The following ZDHHC11B variants were observed in gnomAD, a reference collection of about 807,000 sequenced individuals.
ZDHHC11B encodes the protein zDHHC palmitoyltransferase 11B (putative).
A neutral mutation model predicts 42.3 loss-of-function variants in ZDHHC11B; 17 were observed. The observed-to-expected ratio is 0.40, with a 90% confidence interval of 0.27 to 0.60. The LOEUF is 0.60. Among genes scored for constraint, ZDHHC11B ranks in the 20% least tolerant of loss-of-function variants. ZDHHC11B has a pLI of 0.41. For missense variants in ZDHHC11B, 262 were observed against 463.2 expected, an observed-to-expected ratio of 0.57 and a Z score of 3.99; for synonymous variants, 123 against 193.5, an observed-to-expected ratio of 0.64 and a Z score of 3.02.
At chr5:724,298 C>G (rs1224556547) in intron 12 of ZDHHC11B, among the ~76,000 whole-genome samples, 1 of 148,784 alleles carries the variant, frequency 6.7e-6, no homozygotes, top group African/African-American at 2.5e-5. Context: ...CTTCACCTCC[C>G]AGGTTCAAGC....
At chr5:783,897 C>A (rs1005505772) in intron 1 of ZDHHC11B, among the ~76,000 whole-genome samples, 1 of 148,902 alleles carries the variant, frequency 6.7e-6, no homozygotes, top group Non-Finnish European at 1.5e-5. Context: ...AAACGCTTAT[C>A]AAAACAGCAG....
At chr5:778,716 A>T (rs1239415729) in intron 1 of ZDHHC11B, among the ~76,000 whole-genome samples, 15 of 151,738 alleles carry the variant, frequency 9.9e-5, no homozygotes, top group Non-Finnish European at 1.9e-4. Context: ...AAATGAGATC[A>T]TCTTGGATTA....
rs537168325 is a variant in ZDHHC11B, at chr5:741,935, T to G, written c.901-307A>C. Among the ~76,000 whole-genome samples, 27 of 115,504 alleles carry G rather than the reference T, an allele frequency of 2.3e-4. No individual in the cohort carries two copies. In the East Asian group the frequency reaches 8.3e-3, roughly 36 times the overall value. 75.8% of individuals were successfully genotyped at this position (115,504 alleles called of 152,430 possible). A position where few individuals can be genotyped will look rare whatever the true frequency, so the allele number is the denominator to read the frequency against. ...ACTCCCACGCAGGAGACTTGCAATT[T>G]CTCTACAACTTCACCAGCCCTCGGT... On this transcript the variant is annotated intron_variant, in intron 9 of 13. Coordinates refer to ENST00000508859, the MANE Select transcript of ZDHHC11B (RefSeq NM_001351303.2).
intron 12 of ZDHHC11B, among the ~76,000 whole-genome samples, chr5:728,540 G>A (rs1376242232): frequency 2.0e-5 from 3 of 151,882 alleles, no homozygotes; most frequent in African/African-American, 7.3e-5. Context: ...TTCCTGACAA[G>A]AATAAAACAC....
rs147499771 is a variant in ZDHHC11B, at chr5:761,443, G to A, written c.222+5255C>T. On this transcript the variant is annotated intron_variant, in intron 4 of 13. Transcript: ENST00000508859. The stretch of plus-strand genomic sequence containing the variant: ...ATGGGGACTCAGGGATGTAGGTGGA[G>A]AACTCGGAGGCTGGGCCACAGCAGA... 7.0e-3 allele frequency among the ~76,000 whole-genome samples: 1,058 copies of A among 151,862 alleles called. 30 individuals are homozygous for A. Among genetic ancestry groups the A allele is most frequent in the South Asian group, 0.029 (138 of 4,780 alleles).
chr5:742,081 A>G (rs383816), intron 9 of ZDHHC11B, among the ~76,000 whole-genome samples: 70,643 of 99,682 alleles, frequency 0.71, 25,394 homozygotes, highest in Middle Eastern at 0.86. Context: ...GTGCTTATGT[A>G]GCATCCATGT....
intron 6 of ZDHHC11B, among the ~76,000 whole-genome samples, chr5:751,555 A>G (rs1745749264): frequency 7.5e-5 from 1 of 13,294 alleles, no homozygotes; most frequent in African/African-American, 3.1e-4. Flanking sequence ...GGGGGCATGC[A>G]GGGCAGGTGG....
At chr5:746,198 C>G (rs1216247114) in intron 8 of ZDHHC11B, among the ~76,000 whole-genome samples, 1 of 147,164 alleles carries the variant, frequency 6.8e-6, no homozygotes, top group East Asian at 2.2e-4. Flanking sequence ...AACACCAACA[C>G]CGTGAGAGCC....
In ZDHHC11B at chr5:727,368, C is replaced by T. The variant is rs993559210; in HGVS notation, c.1058+3066G>A. The stretch of plus-strand genomic sequence containing the variant: ...AGTTGGGATGCCAGGGAAACGCTAT[C>T]GGCCACTCTCAAAATGAGGTGTATA... On this transcript the variant is annotated intron_variant, in intron 12 of 13. Transcript: ENST00000508859. 2.7e-5 allele frequency among the ~76,000 whole-genome samples: 4 copies of T among 146,934 alleles called. 1 individual carries two copies. Among genetic ancestry groups the T allele is most frequent in the African/African-American group, 7.5e-5 (3 of 40,146 alleles).
At chr5:738,990 A>T (rs2127030063) in intron 10 of ZDHHC11B, among the ~76,000 whole-genome samples, 1 of 151,084 alleles carries the variant, frequency 6.6e-6, no homozygotes, top group South Asian at 2.1e-4. Context: ...GAAAAGAAGT[A>T]ATAAGCAGAC....
rs1352640075 is a variant in ZDHHC11B, at chr5:718,888, T to C, written c.1059-2023A>G. Among the ~76,000 whole-genome samples the C allele has an allele frequency of 3.3e-5, 5 of 151,578 alleles. No homozygotes were observed. The East Asian group carries it at 9.7e-4, about 29-fold the overall frequency. On this transcript the variant is annotated intron_variant, in intron 12 of 13. Coordinates refer to ENST00000508859, the MANE Select transcript of ZDHHC11B (RefSeq NM_001351303.2). The stretch of plus-strand genomic sequence containing the variant: ...GACCTTGTCCTCAATAAATTTGAGG[T>C]GGTACATTTTGGTTAGTCTGGTGGT...
At chr5:774,851 T>C (rs1024691647) in intron 1 of ZDHHC11B, among the ~76,000 whole-genome samples, 4 of 151,912 alleles carry the variant, frequency 2.6e-5, no homozygotes, top group African/African-American at 9.7e-5. Flanking sequence ...GTTTTAAAGA[T>C]AGCAGCAGCC....
intron 7 of ZDHHC11B, among the ~76,000 whole-genome samples, chr5:750,204 G>A (rs1213004129): frequency 2.5e-5 from 3 of 118,946 alleles, no homozygotes; most frequent in East Asian, 3.2e-4. Context: ...GGGTCCTGGC[G>A]CTGCTGCAAT....
chr5:740,063 T>C (rs1368570926), intron 10 of ZDHHC11B, among the ~76,000 whole-genome samples: 2 of 149,216 alleles, frequency 1.3e-5, no homozygotes, highest in Non-Finnish European at 3.0e-5. Context: ...CACTTATAAG[T>C]GGGAGCTAAG....
chr5:716,644 G>A (rs7709241), intron 13 of ZDHHC11B, among the ~76,000 whole-genome samples, 157 bp downstream of exon 13: 60,391 of 147,602 alleles, frequency 0.41, 7,620 homozygotes, highest in Middle Eastern at 0.45. Context: ...ATGGACACAC[G>A]GTTCCTGTTC....
In ZDHHC11B at chr5:750,085, TCTCAC is replaced by T. The variant is rs1252628775; in HGVS notation, c.628+1043_628+1047del. On this transcript the variant is annotated intron_variant, in intron 7 of 13. Transcript: ENST00000508859. ...AACAAGGGCAGGCAAGTCCTCCCTGTCTCACCACCCGGGCTGTGTGCAGTGCGGGT... is the reference window on the plus strand; with the variant it reads ...AACAAGGGCAGGCAAGTCCTCCCTGTCACCCGGGCTGTGTGCAGTGCGGGT... 6.4e-4 allele frequency among the ~76,000 whole-genome samples: 66 copies of T among 103,298 alleles called. 2 individuals are homozygous for T. Among genetic ancestry groups the T allele is most frequent in the African/African-American group, 2.1e-3 (62 of 29,900 alleles). The allele number at this position is 103,298 out of a possible 152,430, so 67.8% of individuals were successfully genotyped here. A position where few individuals can be genotyped will look rare whatever the true frequency, so the allele number is the denominator to read the frequency against.
At chr5:774,031 G>A (rs558069036) in intron 1 of ZDHHC11B, among the ~76,000 whole-genome samples, 6 of 151,822 alleles carry the variant, frequency 4.0e-5, no homozygotes, top group East Asian at 1.9e-4. Context: ...AAGCATCCTC[G>A]CTGGCCAGGG....
intron 1 of ZDHHC11B, among the ~76,000 whole-genome samples, chr5:776,754 G>A (rs1217314018): frequency 2.6e-5 from 4 of 151,964 alleles, no homozygotes; most frequent in African/African-American, 9.7e-5. Flanking sequence ...CTGCCCTCCT[G>A]CCGAGGAGGT....
Position 733,871 on chromosome 5 carries a change from T to C in ZDHHC11B, c.936-32A>G, listed in dbSNP as rs753070027. 6.3e-6 allele frequency: 10 copies of C among 1,581,918 alleles called. No homozygotes were observed. The East Asian group carries it at 1.6e-4, about 26-fold the overall frequency. ...GGACAGGAAGGAGGAGAGAAACTCA[T>C]CTCAGCTTTGTGGGGGGGCTCAGGG... On this transcript the variant is annotated intron_variant, in intron 10 of 13. Coordinates refer to ENST00000508859, the MANE Select transcript of ZDHHC11B (RefSeq NM_001351303.2).
Sources: allele counts gnomAD v4.1 joint callset (sites outside exome capture counted in the v4.1 genomes callset), GRCh38; gene constraint gnomAD v4.1.1; transcripts MANE v1.5; gene names NCBI Gene and HGNC (gene_info 2026-07-23, HGNC 2026-07-21).